The following SPEM1 variants were observed in gnomAD, a reference collection of about 807,000 sequenced individuals.
The protein encoded by SPEM1 is spermatid maturation protein 1.
A neutral mutation model predicts 9.0 loss-of-function variants in SPEM1; 10 were observed. The observed-to-expected ratio is 1.11, with a 90% CI of 0.68 to 1.88. The LOEUF (loss-of-function observed/expected upper bound fraction) is 1.88, where lower values mean the gene tolerates loss of function less well. SPEM1 is among the 40% of genes most tolerant of loss of function. The probability of loss-of-function intolerance (pLI) is 0.00; values close to 1 mark genes in which losing one functional copy is unlikely to be tolerated. For synonymous variants in SPEM1, 175 were observed against 157.8 expected (o/e 1.11, Z -0.82); for missense variants, 401 against 408.6 (o/e 0.98, Z 0.16).
chr17:7,421,007 G>A lies in SPEM1; in HGVS notation c.332G>A (p.Arg111His), dbSNP rs779459439. The part of the protein sequence containing the change: ...MMTVSPPPAH[R>H]HRRRGSPTRC... The stretch of plus-strand genomic sequence containing the variant: ...ACTGTGTCCCCGCCCCCAGCTCACC[G>A]CCATCGCCGTCGAGGCTCTCCCACA... The change falls in exon 3 of 3, where the codon CGC becomes CAC. Residue 111 changes from arginine (R) to histidine (H), a missense_variant. Physicochemically the swap from Arg to His is conservative, Grantham distance 29. Coordinates refer to ENST00000323675, the MANE Select transcript of SPEM1 (RefSeq NM_199339.3). The surrounding 1 kb of genome is among the most constrained non-coding windows in gnomAD (Gnocchi z 4.8). 9.3e-6 allele frequency: 15 copies of A among 1,613,942 alleles called. No homozygotes were observed. The Admixed American group carries it at 1.5e-4, about 16-fold the overall frequency.
In SPEM1 at chr17:7,420,947, TC is replaced by T; in HGVS notation, c.274del (p.His92IlefsTer9). On this transcript the variant is annotated frameshift_variant, in exon 3 of 3. Transcript: ENST00000323675. LOFTEE classifies it low-confidence loss of function (END_TRUNC). ...CCTAAGAAGCAGAGTTCTCCTGCAG[TC>T]CATCTTCGGTGCACCATGGACCCTG... ...QPPKKQSSPA[V>X]HLRCTMDPVM... The T allele has an allele frequency of 6.2e-7, 1 of 1,614,056 alleles. No homozygotes were observed. The highest frequency in any genetic ancestry group is 8.5e-7 in the Non-Finnish European group (1 of 1,179,996).
Position 7,420,353 on chromosome 17 carries a change from G to C in SPEM1, c.-32G>C. 6.8e-7 allele frequency: 1 copy of C among 1,474,312 alleles called. No individual in the cohort carries two copies. Among genetic ancestry groups the C allele is most frequent in the Non-Finnish European group, 9.0e-7 (1 of 1,112,636 alleles). 91.3% of individuals were successfully genotyped at this position (1,474,312 alleles called of 1,614,324 possible). A position where few individuals can be genotyped will look rare whatever the true frequency, so the allele number is the denominator to read the frequency against. On this transcript the variant is annotated 5_prime_UTR_variant, in exon 1 of 3. Coordinates refer to ENST00000323675, the MANE Select transcript of SPEM1 (RefSeq NM_199339.3). ...GACACTGTCGGCACGGTGGGCTGGG[G>C]GCGTAAGGGCCCCGGTGGTCCTAGG...
Position 7,421,152 on chromosome 17 carries a change from C to T in SPEM1, c.477C>T (p.His159=). 6.2e-7 allele frequency: 1 copy of T among 1,613,990 alleles called. No individual in the cohort carries two copies. The highest frequency in any genetic ancestry group is 8.5e-7 in the Non-Finnish European group (1 of 1,179,906). ...CTGAGGACTGGGAAGGCTTCCAACA[C>T]ACTCAGGGGACCTGGGTTCCCTGGT... ...DVPEDWEGFQ[H]TQGTWVPWSQ... is the part of the protein sequence containing the mutation. Residue 159 remains histidine, a synonymous_variant, in exon 3 of 3, where the codon CAC becomes CAT. Transcript: ENST00000323675. This position sits in a 1 kb window ranked among gnomAD's most constrained non-coding sequence, Gnocchi z 4.8.
chr17:7,421,121 A>G lies in SPEM1; in HGVS notation c.446A>G (p.Asp149Gly). The change falls in exon 3 of 3, where the codon GAT (aspartate) becomes GGT (glycine). Residue 149 changes from aspartate to glycine, a missense_variant. Transcript: ENST00000323675. This position sits in a 1 kb window ranked among gnomAD's most constrained non-coding sequence, Gnocchi z 4.8. ...QYPAICSYHW[D>G]VPEDWEGFQH... ...CCAGCCATCTGCTCCTACCACTGGG[A>G]TGTCCCTGAGGACTGGGAAGGCTTC... 2 of 1,614,064 alleles carry G rather than the reference A, an allele frequency of 1.2e-6. No homozygotes were observed. The highest frequency in any genetic ancestry group is 1.7e-6 in the Non-Finnish European group (2 of 1,179,964).
chr17:7,421,168 G>A lies in SPEM1; in HGVS notation c.493G>A (p.Val165Ile), dbSNP rs566222547. ...CTTCCAACACACTCAGGGGACCTGG[G>A]TTCCCTGGTCTCAGGATGCCCCAGA... ...EGFQHTQGTW[V>I]PWSQDAPESP... Residue 165 changes from valine (V) to isoleucine (I), a missense_variant, in exon 3 of 3, where the codon GTT becomes ATT. Physicochemically the swap from Val to Ile is conservative, Grantham distance 29. Coordinates refer to ENST00000323675, the MANE Select transcript of SPEM1 (RefSeq NM_199339.3). This position sits in a 1 kb window ranked among gnomAD's most constrained non-coding sequence, Gnocchi z 4.8. The A allele has an allele frequency of 1.2e-6, 2 of 1,613,864 alleles. No individual in the cohort carries two copies. The highest frequency in any genetic ancestry group is 4.5e-5 in the East Asian group (2 of 44,870).
chr17:7,421,430 C>T lies in SPEM1; in HGVS notation c.755C>T (p.Ser252Phe). ...GGCCCAGCAGTCATCCCTGAATTTTCCCGGCACCGCTCCTCAGGCCGAATA... is the reference window on the plus strand; with the variant it reads ...GGCCCAGCAGTCATCCCTGAATTTTTCCGGCACCGCTCCTCAGGCCGAATA... ...TLGPAVIPEF[S>F]RHRSSGRIVY... The change falls in exon 3 of 3, where the codon TCC (serine) becomes TTC (phenylalanine). Residue 252 changes from serine (S) to phenylalanine (F), a missense_variant. Coordinates refer to ENST00000323675, the MANE Select transcript of SPEM1 (RefSeq NM_199339.3). The surrounding 1 kb of genome is among the most constrained non-coding windows in gnomAD (Gnocchi z 4.8). The T allele has an allele frequency of 6.2e-7, 1 of 1,608,164 alleles. No homozygotes were observed. Among genetic ancestry groups the T allele is most frequent in the South Asian group, 1.1e-5 (1 of 90,594 alleles).
chr17:7,421,044 C>T lies in SPEM1; in HGVS notation c.369C>T (p.His123=), dbSNP rs1907375968. The change falls in exon 3 of 3, where the codon CAC becomes CAT. Residue 123 remains histidine (H), a synonymous_variant. Transcript: ENST00000323675. The surrounding 1 kb of genome is among the most constrained non-coding windows in gnomAD (Gnocchi z 4.8). ...RRRGSPTRCA[H]CPVAWAPDTD... Reference sequence around the variant, plus strand: ...GAGGCTCTCCCACACGCTGTGCTCACTGCCCAGTAGCTTGGGCTCCTGACA... The same window carrying T: ...GAGGCTCTCCCACACGCTGTGCTCATTGCCCAGTAGCTTGGGCTCCTGACA... 1.2e-6 allele frequency: 2 copies of T among 1,614,190 alleles called. No homozygotes were observed. Among genetic ancestry groups the T allele is most frequent in the South Asian group, 1.1e-5 (1 of 91,084 alleles).
chr17:7,421,495 C>T lies in SPEM1; in HGVS notation c.820C>T (p.Leu274=). Residue 274 remains leucine, a synonymous_variant, in exon 3 of 3, where the codon CTG becomes TTG. Coordinates refer to ENST00000323675, the MANE Select transcript of SPEM1 (RefSeq NM_199339.3). The surrounding 1 kb of genome is among the most constrained non-coding windows in gnomAD (Gnocchi z 4.8). Reference sequence around the variant, plus strand: ...GGACATGAGACGGCGGCTTCGGGAACTGACCCGGGAGGTGGAGGCCCTGTC... The same window carrying T: ...GGACATGAGACGGCGGCTTCGGGAATTGACCCGGGAGGTGGAGGCCCTGTC... ...ARDMRRRLRE[L]TREVEALSGC... 6.2e-7 allele frequency: 1 copy of T among 1,610,420 alleles called. No individual in the cohort carries two copies.
At position 7,421,249 on chromosome 17, in the gene SPEM1, ACAGGCATATG is replaced by A; in HGVS notation, c.575_584del (p.Thr192SerfsTer6). On this transcript the variant is annotated frameshift_variant, in exon 3 of 3. Coordinates refer to ENST00000323675, the MANE Select transcript of SPEM1 (RefSeq NM_199339.3). LOFTEE classifies it low-confidence loss of function (END_TRUNC). This position sits in a 1 kb window ranked among gnomAD's most constrained non-coding sequence, Gnocchi z 4.8. ...TACCGTAGAGGAAAGGCCCCTCAAAACAGGCATATGGTCCGAGCTGGGCCTAAGGGCCTAT... is the reference window on the plus strand; with the variant it reads ...TACCGTAGAGGAAAGGCCCCTCAAAAGTCCGAGCTGGGCCTAAGGGCCTAT... 2.5e-6 allele frequency: 4 copies of A among 1,613,944 alleles called. No individual in the cohort carries two copies. Among genetic ancestry groups the A allele is most frequent in the Non-Finnish European group, 3.4e-6 (4 of 1,179,968 alleles).
Position 7,421,475 on chromosome 17 carries a change from T to G in SPEM1, c.800T>G (p.Met267Arg), listed in dbSNP as rs577160956. 6.2e-7 allele frequency: 1 copy of G among 1,612,024 alleles called. No homozygotes were observed. The highest frequency in any genetic ancestry group is 8.5e-7 in the Non-Finnish European group (1 of 1,179,404). The change falls in exon 3 of 3, where the codon ATG (methionine) becomes AGG (arginine). Residue 267 changes from methionine (M) to arginine (R), a missense_variant. By Grantham distance (91) the Met-to-Arg change is moderately conservative. Transcript: ENST00000323675. The surrounding 1 kb of genome is among the most constrained non-coding windows in gnomAD (Gnocchi z 4.8). Reference protein sequence around the residue: ...SGRIVYDARDMRRRLRELTRE... With the variant: ...SGRIVYDARDRRRRLRELTRE... ...CGAATAGTGTATGATGCCCGGGACA[T>G]GAGACGGCGGCTTCGGGAACTGACC...
In SPEM1 at chr17:7,421,477, A is replaced by G. The variant is rs544604374; in HGVS notation, c.802A>G (p.Arg268Gly). Residue 268 changes from arginine (R) to glycine (G), a missense_variant, in exon 3 of 3, where the codon AGA (arginine) becomes GGA (glycine). Physicochemically the swap from Arg to Gly is moderately radical, Grantham distance 125. Transcript: ENST00000323675. This position sits in a 1 kb window ranked among gnomAD's most constrained non-coding sequence, Gnocchi z 4.8. ...AATAGTGTATGATGCCCGGGACATG[A>G]GACGGCGGCTTCGGGAACTGACCCG... ...GRIVYDARDM[R>G]RRLRELTREV... 8.6e-5 allele frequency: 138 copies of G among 1,611,876 alleles called. 1 individual carries two copies. The South Asian group carries it at 1.5e-3, about 17-fold the overall frequency.
In SPEM1 at chr17:7,421,500, C is replaced by CCGGG; in HGVS notation, c.826_829dup (p.Glu277AlafsTer40). 1.2e-6 allele frequency: 2 copies of CCGGG among 1,609,562 alleles called. No homozygotes were observed. The highest frequency in any genetic ancestry group is 1.7e-6 in the Non-Finnish European group (2 of 1,178,964). On this transcript the variant is annotated frameshift_variant, in exon 3 of 3. Transcript: ENST00000323675. LOFTEE classifies it low-confidence loss of function (END_TRUNC). The surrounding 1 kb of genome is among the most constrained non-coding windows in gnomAD (Gnocchi z 4.8). ...TGAGACGGCGGCTTCGGGAACTGAC[C>CCGGG]CGGGAGGTGGAGGCCCTGTCCGGCT...
rs1031881509 is a variant in SPEM1, at chr17:7,421,455, A to G, written c.780A>G (p.Ile260Met). Residue 260 changes from isoleucine to methionine, a missense_variant, in exon 3 of 3, where the codon ATA (isoleucine) becomes ATG (methionine). Coordinates refer to ENST00000323675, the MANE Select transcript of SPEM1 (RefSeq NM_199339.3). The surrounding 1 kb of genome is among the most constrained non-coding windows in gnomAD (Gnocchi z 4.8). ...EFSRHRSSGR[I>M]VYDARDMRRR... is the part of the protein sequence containing the mutation. ...CCCGGCACCGCTCCTCAGGCCGAAT[A>G]GTGTATGATGCCCGGGACATGAGAC... The G allele has an allele frequency of 2.5e-6, 4 of 1,612,436 alleles. No homozygotes were observed. The highest frequency in any genetic ancestry group is 3.4e-6 in the Non-Finnish European group (4 of 1,179,270).
In SPEM1 at chr17:7,421,379, A is replaced by G; in HGVS notation, c.704A>G (p.Tyr235Cys). Reference protein sequence around the residue: ...GAVPEAEAAQYQPVPAPTLGP... With the variant: ...GAVPEAEAAQCQPVPAPTLGP... ...GTGCCAGAGGCAGAGGCGGCTCAGT[A>G]CCAGCCTGTCCCAGCTCCCACCCTG... Residue 235 changes from tyrosine (Y) to cysteine (C), a missense_variant, in exon 3 of 3, where the codon TAC becomes TGC. Coordinates refer to ENST00000323675, the MANE Select transcript of SPEM1 (RefSeq NM_199339.3). The surrounding 1 kb of genome is among the most constrained non-coding windows in gnomAD (Gnocchi z 4.8). 1 of 1,609,940 alleles carries G rather than the reference A, an allele frequency of 6.2e-7. No homozygotes were observed. The highest frequency in any genetic ancestry group is 8.5e-7 in the Non-Finnish European group (1 of 1,177,752).
Position 7,420,618 on chromosome 17 carries a change from C to T in SPEM1, c.145-9C>T. Reference sequence around the variant, plus strand: ...CCTACCTGGGATCACTGTGTCTTCCCCCACCTAGCTCTGGAGCCGATTCCG... The same window carrying T: ...CCTACCTGGGATCACTGTGTCTTCCTCCACCTAGCTCTGGAGCCGATTCCG... On this transcript the variant is annotated splice_polypyrimidine_tract_variant and intron_variant, in intron 1 of 2. Coordinates refer to ENST00000323675, the MANE Select transcript of SPEM1 (RefSeq NM_199339.3). 1 of 1,614,134 alleles carries T rather than the reference C, an allele frequency of 6.2e-7. No homozygotes were observed. The highest frequency in any genetic ancestry group is 8.5e-7 in the Non-Finnish European group (1 of 1,179,994).
chr17:7,420,683 G>A lies in SPEM1; in HGVS notation c.201G>A (p.Glu67=). 6.2e-7 allele frequency: 1 copy of A among 1,614,010 alleles called. No individual in the cohort carries two copies. The highest frequency in any genetic ancestry group is 8.5e-7 in the Non-Finnish European group (1 of 1,179,994). Residue 67 remains glutamate (E), a synonymous_variant, in exon 2 of 3, where the codon GAG becomes GAA. Transcript: ENST00000323675. Reference sequence around the variant, plus strand: ...AAGTGTTCCATGATACCATTTGTGAGAAAGGTAAGAGGTCTGGGGGCTGGG... The same window carrying A: ...AAGTGTTCCATGATACCATTTGTGAAAAAGGTAAGAGGTCTGGGGGCTGGG... The part of the protein sequence containing the change: ...LYQVFHDTIC[E]KEAPKSSLLR...
Position 7,421,575 on chromosome 17 carries a change from T to A in SPEM1, c.900T>A (p.Asn300Lys), listed in dbSNP as rs1367983354. The change falls in exon 3 of 3, where the codon AAT becomes AAA. Residue 300 changes from asparagine (N) to lysine (K), a missense_variant. Coordinates refer to ENST00000323675, the MANE Select transcript of SPEM1 (RefSeq NM_199339.3). The surrounding 1 kb of genome is among the most constrained non-coding windows in gnomAD (Gnocchi z 4.8). ...GSSTAEETSKNWVYRSLTGR is the reference protein window; with the variant it reads ...GSSTAEETSKKWVYRSLTGR Reference sequence around the variant, plus strand: ...GCACTGCCGAGGAGACAAGCAAGAATTGGGTGTACCGTTCCCTAACTGGGA... The same window carrying A: ...GCACTGCCGAGGAGACAAGCAAGAAATGGGTGTACCGTTCCCTAACTGGGA... The A allele has an allele frequency of 6.5e-7, 1 of 1,529,458 alleles. No individual in the cohort carries two copies. The allele number at this position is 1,529,458 out of a possible 1,614,324, so 94.7% of individuals were successfully genotyped here. A position where few individuals can be genotyped will look rare whatever the true frequency, so the allele number is the denominator to read the frequency against.
In SPEM1 at chr17:7,421,631, G is replaced by A. The variant is rs200851760; in HGVS notation, c.*26G>A. 5.3e-5 allele frequency: 79 copies of A among 1,495,930 alleles called. No individual in the cohort carries two copies. Among genetic ancestry groups the A allele is most frequent in the South Asian group, 5.5e-5 (4 of 72,600 alleles). 92.7% of individuals were successfully genotyped at this position (1,495,930 alleles called of 1,614,324 possible). ...CTGGAAAAAAATAAAAAGGAGAGAG[G>A]AGGTGATCTGTGGTGGTGCTGGGGT... On this transcript the variant is annotated 3_prime_UTR_variant, in exon 3 of 3. Coordinates refer to ENST00000323675, the MANE Select transcript of SPEM1 (RefSeq NM_199339.3). The surrounding 1 kb of genome is among the most constrained non-coding windows in gnomAD (Gnocchi z 4.8).
chr17:7,420,423 G>C lies in SPEM1; in HGVS notation c.39G>C (p.Ser13=). The C allele has an allele frequency of 6.3e-7, 1 of 1,582,634 alleles. No homozygotes were observed. Among genetic ancestry groups the C allele is most frequent in the Non-Finnish European group, 8.6e-7 (1 of 1,164,208 alleles). ...MVERPRPEWA[S]YHNCNSNSCQ... is the part of the protein sequence containing the mutation. Reference sequence around the variant, plus strand: ...AGCGGCCGAGGCCCGAGTGGGCCTCGTATCACAACTGCAACAGCAACAGCT... The same window carrying C: ...AGCGGCCGAGGCCCGAGTGGGCCTCCTATCACAACTGCAACAGCAACAGCT... Residue 13 remains serine, a synonymous_variant, in exon 1 of 3, where the codon TCG becomes TCC. Transcript: ENST00000323675.
Sources: allele counts gnomAD v4.1 joint callset, GRCh38; gene constraint gnomAD v4.1.1; non-coding constraint Gnocchi (gnomAD v3.1); transcripts MANE v1.5; gene names NCBI Gene and HGNC (gene_info 2026-07-23, HGNC 2026-07-21).